The following SCUBE1 variants were observed in gnomAD, a reference collection of about 807,000 sequenced individuals.
SCUBE1 encodes signal peptide, CUB domain and EGF like domain containing 1.
A neutral mutation model predicts 124.4 loss-of-function variants in SCUBE1; 59 were observed. That is an observed-to-expected ratio of 0.47 (90% CI 0.38 to 0.59). SCUBE1 has a LOEUF of 0.59. Among genes scored for constraint, SCUBE1 ranks in the 20% least tolerant of loss-of-function variants. The pLI, the probability that SCUBE1 is intolerant of heterozygous loss-of-function variation, is 0.00. For synonymous variants in SCUBE1, 545 were observed against 550.9 expected (o/e 0.99, Z 0.15); for missense variants, 1,150 against 1,371.2 (o/e 0.84, Z 2.55).
At chr22:43,338,658 TGA>T (rs1256000296) in intron 2 of SCUBE1, among the ~76,000 whole-genome samples, 1 of 152,082 alleles carries the variant, frequency 6.6e-6, no homozygotes, top group Non-Finnish European at 1.5e-5. Flanking sequence ...CACGAGTAGC[TGA>T]GATTATAGGC....
chr22:43,273,887 G>T (rs1255315665), intron 4 of SCUBE1, among the ~76,000 whole-genome samples: 1 of 152,064 alleles, frequency 6.6e-6, no homozygotes, highest in African/African-American at 2.4e-5. Flanking sequence ...ACTTTCTTTT[G>T]TAAGAGTGTT....
At chr22:43,315,183 C>A (rs1427439536) in intron 3 of SCUBE1, among the ~76,000 whole-genome samples, 2 of 152,062 alleles carry the variant, frequency 1.3e-5, no homozygotes, top group African/African-American at 2.4e-5. Context: ...ATATCCAGCA[C>A]CTGCACAGAA....
chr22:43,269,729 G>C (rs1311435547), intron 4 of SCUBE1, among the ~76,000 whole-genome samples: 1 of 152,188 alleles, frequency 6.6e-6, no homozygotes, highest in Non-Finnish European at 1.5e-5. Flanking sequence ...GGGTGGCAGG[G>C]GGAGGAGGCG....
chr22:43,229,069 G>C lies in SCUBE1; in HGVS notation c.1084+3C>G, dbSNP rs763694328. On this transcript the variant is annotated splice_donor_region_variant and intron_variant, in intron 9 of 21. Coordinates refer to ENST00000360835, the MANE Select transcript of SCUBE1 (RefSeq NM_173050.5). ...AGGTGGCCCTGGCGGGCAGGCTGCA[G>C]ACCTCCGCAGTGGGTTGTCCCGTAG... The C allele has an allele frequency of 6.2e-7, 1 of 1,607,356 alleles. No individual in the cohort carries two copies. The highest frequency in any genetic ancestry group is 1.7e-5 in the Admixed American group (1 of 59,780).
At chr22:43,252,371 G>A (rs1040130807) in intron 6 of SCUBE1, among the ~76,000 whole-genome samples, 16 of 152,274 alleles carry the variant, frequency 1.1e-4, no homozygotes, top group Admixed American at 2.6e-4. Context: ...CCTCCCCTCC[G>A]TGGTTTCTAA....
chr22:43,200,773 G>A lies in SCUBE1; in HGVS notation c.*3224C>T, dbSNP rs1920989141. The A allele has an allele frequency of 6.6e-6, 1 of 152,308 alleles. No homozygotes were observed. The allele number at this position is 152,308 out of a possible 1,614,324, so 9.4% of individuals were successfully genotyped here. On this transcript the variant is annotated 3_prime_UTR_variant, in exon 22 of 22. Coordinates refer to ENST00000360835, the MANE Select transcript of SCUBE1 (RefSeq NM_173050.5). ...TCCCGTGGGCTGGGAGCTATAGAAGGGCTTGCGAGGGAAAGCAGGATGAAG... is the reference window on the plus strand; with the variant it reads ...TCCCGTGGGCTGGGAGCTATAGAAGAGCTTGCGAGGGAAAGCAGGATGAAG...
At chr22:43,269,757 C>T (rs1924219173) in intron 4 of SCUBE1, among the ~76,000 whole-genome samples, 2 of 152,122 alleles carry the variant, frequency 1.3e-5, no homozygotes, top group African/African-American at 2.4e-5. Flanking sequence ...TCCCCAACCC[C>T]GACTCCGCAA....
In SCUBE1 at chr22:43,210,811, G is replaced by T; in HGVS notation, c.2383+111C>A. 1 of 1,278,464 alleles carries T rather than the reference G, an allele frequency of 7.8e-7. No homozygotes were observed. Among genetic ancestry groups the T allele is most frequent in the Non-Finnish European group, 1.1e-6 (1 of 898,548 alleles). 79.2% of individuals were successfully genotyped at this position (1,278,464 alleles called of 1,614,324 possible). A position where few individuals can be genotyped will look rare whatever the true frequency, so the allele number is the denominator to read the frequency against. Reference sequence around the variant, plus strand: ...GAGAGCAGACGGGACGGAGCGGGAGGAGTCCAGTGTCCTCGTGGAGCTCGT... The same window carrying T: ...GAGAGCAGACGGGACGGAGCGGGAGTAGTCCAGTGTCCTCGTGGAGCTCGT... On this transcript the variant is annotated intron_variant, in intron 18 of 21. Transcript: ENST00000360835. The surrounding 1 kb of genome is among the most constrained non-coding windows in gnomAD (Gnocchi z 4.5).
At chr22:43,280,732 TCCTCCTC>T (rs1924772640) in intron 4 of SCUBE1, among the ~76,000 whole-genome samples, 2 of 51,330 alleles carry the variant, frequency 3.9e-5, no homozygotes, top group African/African-American at 1.8e-4. Flanking sequence ...CCTGTCACCT[TCCTCCTC>T]GGCCACCCTC....
chr22:43,342,125 G>A (rs1485596510), intron 1 of SCUBE1, among the ~76,000 whole-genome samples: 1 of 151,964 alleles, frequency 6.6e-6, no homozygotes, highest in East Asian at 1.9e-4. Context: ...CGGGAAGGAC[G>A]TGCAGGACCC....
chr22:43,275,107 C>T (rs1300582305), intron 4 of SCUBE1, among the ~76,000 whole-genome samples: 2 of 152,112 alleles, frequency 1.3e-5, no homozygotes, highest in African/African-American at 2.4e-5. Context: ...GGCTGGGCAG[C>T]GGGAGGGAAA....
In SCUBE1 at chr22:43,330,973, C is replaced by T. The variant is rs543029083; in HGVS notation, c.220+8131G>A. On this transcript the variant is annotated intron_variant, in intron 2 of 21. Transcript: ENST00000360835. Reference sequence around the variant, plus strand: ...TCCCCGCTGAGCCTCCCACCGCCTACTGCCTTTCCTGGCCTCCCAAAAAGC... The same window carrying T: ...TCCCCGCTGAGCCTCCCACCGCCTATTGCCTTTCCTGGCCTCCCAAAAAGC... Among the ~76,000 whole-genome samples the T allele has an allele frequency of 7.2e-4, 110 of 152,320 alleles. 1 individual carries two copies. Among genetic ancestry groups the T allele is most frequent in the African/African-American group, 2.6e-3 (107 of 41,574 alleles).
intron 2 of SCUBE1, among the ~76,000 whole-genome samples, chr22:43,337,630 GC>G (rs1927127756): frequency 6.6e-6 from 1 of 152,216 alleles, no homozygotes. Context: ...TGGGTTCTGG[GC>G]CCTGAGCGTG....
chr22:43,219,846 C>T (rs1478936689), intron 14 of SCUBE1, among the ~76,000 whole-genome samples: 6 of 145,376 alleles, frequency 4.1e-5, no homozygotes, highest in Non-Finnish European at 9.1e-5. Context: ...TTCTTGTGCC[C>T]CCACCACCGA....
intron 6 of SCUBE1, among the ~76,000 whole-genome samples, chr22:43,249,219 G>A (rs1223659130): frequency 3.3e-5 from 5 of 152,000 alleles, no homozygotes; most frequent in African/African-American, 1.2e-4. Flanking sequence ...GGGTGAATGT[G>A]CGGGGTGGGG....
intron 1 of SCUBE1, among the ~76,000 whole-genome samples, chr22:43,341,170 G>T (rs963738005): frequency 6.8e-6 from 1 of 147,264 alleles, no homozygotes; most frequent in Non-Finnish European, 1.5e-5. Context: ...CATCTGCTCA[G>T]GTGGGCGGCC....
intron 6 of SCUBE1, among the ~76,000 whole-genome samples, chr22:43,250,756 C>T (rs982405548): frequency 1.3e-5 from 2 of 152,188 alleles, no homozygotes; most frequent in Admixed American, 6.5e-5. Flanking sequence ...GATTGGGGTC[C>T]CTAGCCTGCA....
chr22:43,307,122 G>C (rs1407194302), intron 3 of SCUBE1, among the ~76,000 whole-genome samples: 7 of 152,244 alleles, frequency 4.6e-5, no homozygotes, highest in Non-Finnish European at 7.3e-5. Context: ...GGCCAATCCA[G>C]AGCTCAGCAC....
chr22:43,255,675 A>G lies in SCUBE1; in HGVS notation c.727+2544T>C. 1 of 1,041,760 alleles carries G rather than the reference A, an allele frequency of 9.6e-7. No homozygotes were observed. The highest frequency in any genetic ancestry group is 1.4e-6 in the Non-Finnish European group (1 of 691,944). 64.5% of individuals were successfully genotyped at this position (1,041,760 alleles called of 1,614,324 possible). ...CAGCCTCTCGGCGTGGCGCACGCAA[A>G]GCCAACACAACACGCCGGCCAGCTC... On this transcript the variant is annotated intron_variant, in intron 6 of 21. Coordinates refer to ENST00000360835, the MANE Select transcript of SCUBE1 (RefSeq NM_173050.5). The surrounding 1 kb of genome is among the most constrained non-coding windows in gnomAD (Gnocchi z 4.7).
Sources: gnomAD v4.1 joint callset for allele counts (sites outside exome capture counted in the v4.1 genomes callset) on GRCh38, gnomAD v4.1.1 for gene constraint, Gnocchi (gnomAD v3.1) non-coding constraint, MANE v1.5 for transcripts, NCBI Gene and HGNC (gene_info 2026-07-23, HGNC 2026-07-21) for gene names.